Variants in CLDN16 observed in about 807,000 individuals in gnomAD.
CLDN16 encodes the protein claudin 16.
CLDN16 carries 13 observed loss-of-function variants against 24.6 expected under a neutral mutation model. That is an observed-to-expected ratio of 0.53 (90% CI 0.34 to 0.84). The LOEUF is 0.84. Ranked by LOEUF, CLDN16 falls within the 40% of genes least tolerant of loss-of-function variation. The pLI is 0.01. For synonymous variants in CLDN16, 116 were observed against 106.7 expected, an observed-to-expected ratio of 1.09 and a Z score of -0.54; for missense variants, 298 against 292.7, an observed-to-expected ratio of 1.02 and a Z score of -0.13.
chr3:190,379,006 T>C (rs1420272620), intron 3 of CLDN16, among the ~76,000 whole-genome samples: 1 of 152,076 alleles, frequency 6.6e-6, no homozygotes, highest in African/African-American at 2.4e-5. Flanking sequence ...TAATGATAGT[T>C]ATTTCCATTA....
rs78254898 is a variant in CLDN16 at position 190,389,278 on chromosome 3, A to G, written c.114+835A>G. ...GGCTTAGGAAAACACAGGTAAGAAA[A>G]AGAAACAATATTTCAAGAGCTCAAA... On this transcript the variant is annotated intron_variant, in intron 1 of 4. Transcript: ENST00000264734. 2.5e-3 allele frequency among the ~76,000 whole-genome samples: 386 copies of G among 152,348 alleles called. 3 individuals carry two copies. Among genetic ancestry groups the G allele is most frequent in the African/African-American group, 9.0e-3 (376 of 41,580 alleles).
At chr3:190,328,118 CAAA>C (rs60601809) in intron 1 of CLDN16, among the ~76,000 whole-genome samples, 4,687 of 143,046 alleles carry the variant, frequency 0.033, 112 homozygotes, top group South Asian at 0.084. Flanking sequence ...TCCATCTCTA[CAAA>C]AAAAAAAAAA....
chr3:190,343,550 C>T (rs1717484227), intron 1 of CLDN16, among the ~76,000 whole-genome samples: 1 of 151,982 alleles, frequency 6.6e-6, no homozygotes, highest in Non-Finnish European at 1.5e-5. Flanking sequence ...ACAGAAACAA[C>T]CTAGGTGTAC....
intron 1 of CLDN16, among the ~76,000 whole-genome samples, chr3:190,369,791 A>G (rs1718096691): frequency 6.6e-6 from 1 of 151,948 alleles, no homozygotes; most frequent in Non-Finnish European, 1.5e-5. Flanking sequence ...AATGATCATA[A>G]ACAAAATCTT....
chr3:190,403,452 A>G (rs1719011946), intron 2 of CLDN16, among the ~76,000 whole-genome samples: 1 of 152,232 alleles, frequency 6.6e-6, no homozygotes, highest in Non-Finnish European at 1.5e-5. Flanking sequence ...CCTTCTCCAT[A>G]GTGTTTATTT....
the CLDN16 span, among the ~76,000 whole-genome samples, chr3:190,292,712 A>G: frequency 2.0e-5 from 3 of 152,200 alleles, no homozygotes; most frequent in African/African-American, 7.2e-5. Flanking sequence ...AAAGTTCCAC[A>G]TATCTCTAGG....
upstream of CLDN16, among the ~76,000 whole-genome samples, chr3:190,383,378 T>C (rs1718413126): frequency 6.6e-6 from 1 of 152,144 alleles, no homozygotes; most frequent in Admixed American, 6.6e-5. Flanking sequence ...TCCCTGGATC[T>C]AGAGAAACAC....
At chr3:190,360,089 T>C (rs1465552328) in intron 1 of CLDN16, among the ~76,000 whole-genome samples, 1 of 151,982 alleles carries the variant, frequency 6.6e-6, no homozygotes, top group Non-Finnish European at 1.5e-5. Context: ...AAAAAGAAAC[T>C]GACTTTGTTA....
At chr3:190,313,800 C>T in the CLDN16 span, among the ~76,000 whole-genome samples, 7 of 152,192 alleles carry the variant, frequency 4.6e-5, no homozygotes, top group South Asian at 1.5e-3. Flanking sequence ...TTTCTAATTT[C>T]CCATCATTAT....
chr3:190,317,323 A>T, the CLDN16 span, among the ~76,000 whole-genome samples: 2 of 152,234 alleles, frequency 1.3e-5, no homozygotes, highest in African/African-American at 4.8e-5. Flanking sequence ...CACAGAAGGC[A>T]GTCTTTTAAT....
intron 1 of CLDN16, among the ~76,000 whole-genome samples, chr3:190,326,115 A>AT (rs949594405): frequency 2.0e-5 from 3 of 152,112 alleles, no homozygotes; most frequent in Non-Finnish European, 4.4e-5. Context: ...TGTGACTCAC[A>AT]TTTTTTCTTC....
At chr3:190,323,029 G>C (rs59024566) in intron 1 of CLDN16, among the ~76,000 whole-genome samples, 2,697 of 68,020 alleles carry the variant, frequency 0.04, 93 homozygotes, top group African/African-American at 0.16. Context: ...CACACACACA[G>C]ACACACTCAC....
intron 3 of CLDN16, among the ~76,000 whole-genome samples, chr3:190,378,856 T>G (rs1718297691): frequency 6.6e-6 from 1 of 152,020 alleles, no homozygotes; most frequent in Admixed American, 6.6e-5. Context: ...TCAGGTTGAA[T>G]AAGTCACTTA....
the CLDN16 span, chr3:190,307,837 AAG>A: frequency 6.2e-6 from 1 of 160,914 alleles, no homozygotes; most frequent in East Asian, 1.8e-4. Context: ...ATAGACGAAA[AAG>A]AAAATATACC....
chr3:190,409,765 T>C, intron 4 of CLDN16, 138 bp from the exon 5 acceptor site: 1 of 777,884 alleles, frequency 1.3e-6, no homozygotes, highest in South Asian at 1.7e-5. Context: ...CTTCTAGGAT[T>C]CTTCTTAGAG....
chr3:190,387,904 C>T (rs1323158074), upstream of CLDN16: 1 of 585,024 alleles, frequency 1.7e-6, no homozygotes, highest in Non-Finnish European at 3.1e-6. Flanking sequence ...ATAGCTCACT[C>T]TCCCTAGAGG....
At chr3:190,322,109 T>C (rs768137462), upstream of CLDN16, 2 of 1,613,934 alleles carry the variant, frequency 1.2e-6, no homozygotes, top group East Asian at 4.5e-5. Context: ...GGCATAGGAG[T>C]AAATCCTCCA....
At chr3:190,293,767 G>A in the CLDN16 span, among the ~76,000 whole-genome samples, 1 of 152,182 alleles carries the variant, frequency 6.6e-6, no homozygotes, top group African/African-American at 2.4e-5. Flanking sequence ...TGGCTCACTG[G>A]CTAAAGAAAC....
chr3:190,310,257 T>C, the CLDN16 span: 3 of 1,612,006 alleles, frequency 1.9e-6, no homozygotes, highest in East Asian at 2.2e-5. Flanking sequence ...GCCAGACCTA[T>C]AGAAATTCAA....
Sources: allele counts gnomAD v4.1 joint callset (sites outside exome capture counted in the v4.1 genomes callset), GRCh38; gene constraint gnomAD v4.1.1; transcripts MANE v1.5; gene names NCBI Gene and HGNC (gene_info 2026-07-23, HGNC 2026-07-21).